Variants in CCNJL observed in about 807,000 individuals in gnomAD.
CCNJL encodes the protein cyclin-J-like protein.
In CCNJL, 33 loss-of-function variants were observed where a neutral mutation model predicts 33.4. The ratio of observed to expected loss-of-function variants is 0.99; its 90% CI spans 0.75 to 1.32. The LOEUF is 1.32. Ranked by LOEUF, CCNJL falls within the 40% of genes most tolerant of loss-of-function variation. The pLI is 0.00. For missense variants in CCNJL, 512 were observed against 499.7 expected (o/e 1.02, Z -0.23); for synonymous variants, 227 against 220.9 (o/e 1.03, Z -0.24).
chr5:160,332,144 A>C (rs911813177), intron 1 of CCNJL, among the ~76,000 whole-genome samples: 1 of 152,036 alleles, frequency 6.6e-6, no homozygotes, highest in Admixed American at 6.6e-5. Context: ...TTCCTTATAC[A>C]CTAAGAACAT....
intron 3 of CCNJL, among the ~76,000 whole-genome samples, chr5:160,268,850 G>A (rs1761714979): frequency 6.6e-6 from 1 of 152,192 alleles, no homozygotes; most frequent in African/African-American, 2.4e-5. Context: ...TGGGTACCCT[G>A]CCTGGCTGAG....
chr5:160,286,791 T>C lies in CCNJL; in HGVS notation c.67-6053A>G, dbSNP rs75276718. On this transcript the variant is annotated intron_variant, in intron 2 of 5. Coordinates refer to ENST00000257536, the MANE Select transcript of CCNJL (RefSeq NM_001308173.3). ...AAGCTAGAACACTGGCTCCCTGGGA[T>C]GCTCTTTCTCCCTGTTTCTGTTTGT... Among the ~76,000 whole-genome samples the C allele has an allele frequency of 6.6e-5, 10 of 152,288 alleles. No individual in the cohort carries two copies. In the East Asian group the frequency reaches 1.9e-3, roughly 29 times the overall value.
At position 160,250,602 on chromosome 5, in the gene CCNJL, C is replaced by G. The variant is rs1760777504; in HGVS notation, c.*2776G>C. The stretch of plus-strand genomic sequence containing the variant: ...GGCAAGACAGAAGTCTTGAGTGAGA[C>G]TCCCTTCAAGGAGGAGTACGAATCT... On this transcript the variant is annotated 3_prime_UTR_variant, in exon 6 of 6. Transcript: ENST00000257536. 6.6e-6 allele frequency: 1 copy of G among 152,238 alleles called. No homozygotes were observed. Among genetic ancestry groups the G allele is most frequent in the Non-Finnish European group, 1.5e-5 (1 of 68,030 alleles). The allele number at this position is 152,238 out of a possible 1,614,324, so 9.4% of individuals were successfully genotyped here.
intron 4 of CCNJL, among the ~76,000 whole-genome samples, chr5:160,257,973 A>C (rs1364409544): frequency 6.6e-6 from 1 of 151,752 alleles, no homozygotes; most frequent in Admixed American, 6.6e-5. Flanking sequence ...CAGCCTCCCA[A>C]GTAGCTGAGA....
intron 1 of CCNJL, among the ~76,000 whole-genome samples, chr5:160,320,865 CTT>C (rs1491156643): frequency 7.2e-5 from 9 of 125,614 alleles, no homozygotes; most frequent in African/African-American, 2.8e-4. Context: ...TTCTTTCTTT[CTT>C]TCTCTCTTTC....
At chr5:160,293,633 T>C (rs1479370136) in intron 2 of CCNJL, among the ~76,000 whole-genome samples, 4 of 152,114 alleles carry the variant, frequency 2.6e-5, no homozygotes, top group Non-Finnish European at 4.4e-5. Flanking sequence ...CATGGGACTA[T>C]CTCCTCCCTT....
intron 2 of CCNJL, among the ~76,000 whole-genome samples, chr5:160,284,812 G>T (rs1762353028): frequency 6.6e-6 from 1 of 152,014 alleles, no homozygotes; most frequent in Admixed American, 6.6e-5. Context: ...TGAGTCCCTG[G>T]GCTTTATCTA....
At chr5:160,284,388 A>G (rs1217856792) in intron 2 of CCNJL, among the ~76,000 whole-genome samples, 1 of 152,106 alleles carries the variant, frequency 6.6e-6, no homozygotes, top group East Asian at 1.9e-4. Flanking sequence ...GAATTTTATG[A>G]TATGTGAATT....
chr5:160,305,303 T>A (rs1273625744), intron 2 of CCNJL, among the ~76,000 whole-genome samples: 1 of 152,168 alleles, frequency 6.6e-6, no homozygotes, highest in South Asian at 2.1e-4. Flanking sequence ...TGGGATGAAT[T>A]TCTACCACTA....
chr5:160,279,748 G>A (rs1762143713), intron 3 of CCNJL, among the ~76,000 whole-genome samples: 3 of 152,204 alleles, frequency 2.0e-5, no homozygotes, highest in African/African-American at 7.2e-5. Context: ...AGTGTGGCTG[G>A]AACCCAGGAA....
intron 3 of CCNJL, among the ~76,000 whole-genome samples, chr5:160,260,512 T>C (rs1411755823): frequency 1.3e-5 from 2 of 152,044 alleles, no homozygotes; most frequent in Non-Finnish European, 2.9e-5. Flanking sequence ...TACCCACGGG[T>C]TAAAGAGCAG....
At chr5:160,289,980 T>C (rs183120144) in intron 2 of CCNJL, among the ~76,000 whole-genome samples, 87 of 152,314 alleles carry the variant, frequency 5.7e-4, no homozygotes, top group Non-Finnish European at 3.4e-4. Flanking sequence ...CTATCACTGC[T>C]GCATAGCCGG....
rs747506163 is a variant in CCNJL, at chr5:160,259,437, G to T, written c.583+32C>A. 6 of 1,581,728 alleles carry T rather than the reference G, an allele frequency of 3.8e-6. No homozygotes were observed. The South Asian group carries it at 7.1e-5, about 19-fold the overall frequency. ...GACCCCTGGGTGGTGGGGAAGGGGT[G>T]GGAGGTCCTGCCATCGGGTCCCAGC... On this transcript the variant is annotated intron_variant, in intron 4 of 5. Coordinates refer to ENST00000257536, the MANE Select transcript of CCNJL (RefSeq NM_001308173.3).
chr5:160,301,392 T>C (rs1208598641), intron 2 of CCNJL, among the ~76,000 whole-genome samples: 2 of 151,734 alleles, frequency 1.3e-5, no homozygotes, highest in Non-Finnish European at 2.9e-5. Context: ...GGGGGCAGGA[T>C]GGGACTGATG....
intron 5 of CCNJL, 107 bp from the exon 6 acceptor site, chr5:160,253,905 T>G: frequency 1.2e-6 from 1 of 824,448 alleles, no homozygotes; most frequent in Non-Finnish European, 1.8e-6. Context: ...GCGTGTGTCC[T>G]GTGTCCACCA....
intron 2 of CCNJL, chr5:160,294,731 C>T (rs1561798218): frequency 6.6e-6 from 1 of 152,338 alleles, no homozygotes; most frequent in Admixed American, 6.5e-5. Flanking sequence ...CCCATACCTT[C>T]TGGAGTGGAG....
At chr5:160,325,779 C>T (rs1425989874) in intron 1 of CCNJL, among the ~76,000 whole-genome samples, 1 of 152,136 alleles carries the variant, frequency 6.6e-6, no homozygotes, top group Non-Finnish European at 1.5e-5. Context: ...GTCAGAAGAT[C>T]TAGCTTACAT....
intron 2 of CCNJL, among the ~76,000 whole-genome samples, chr5:160,298,487 C>T (rs143829453): frequency 2.2e-4 from 34 of 152,272 alleles, no homozygotes; most frequent in Non-Finnish European, 4.6e-4. Context: ...ATGCAACACA[C>T]ACTCTGCTGA....
chr5:160,266,961 G>A (rs1761622097), intron 3 of CCNJL, among the ~76,000 whole-genome samples: 1 of 152,142 alleles, frequency 6.6e-6, no homozygotes, highest in Non-Finnish European at 1.5e-5. Flanking sequence ...AAAGGGGAGT[G>A]AGTGTTGCGT....
Sources: gnomAD v4.1 joint callset for allele counts (sites outside exome capture counted in the v4.1 genomes callset) on GRCh38, gnomAD v4.1.1 for gene constraint, MANE v1.5 for transcripts, NCBI Gene and HGNC (gene_info 2026-07-23, HGNC 2026-07-21) for gene names.